Variants in GPR158 observed in about 807,000 individuals in gnomAD.
The protein encoded by GPR158 is metabotropic glycine receptor.
Under a neutral mutation model 78.2 loss-of-function variants are expected in GPR158, and 30 were observed. The observed-to-expected ratio is 0.38, with a 90% CI of 0.29 to 0.52. The LOEUF (loss-of-function observed/expected upper bound fraction) is 0.52, where lower values mean the gene tolerates loss of function less well. Ranked by LOEUF, GPR158 falls within the 20% of genes least tolerant of loss-of-function variation. GPR158 has a pLI of 0.83. For synonymous variants in GPR158, 581 were observed against 591.1 expected, an observed-to-expected ratio of 0.98 and a Z score of 0.25; for missense variants, 1,463 against 1,523.5, an observed-to-expected ratio of 0.96 and a Z score of 0.66.
At chr10:25,374,756 A>G (rs1214843682) in intron 2 of GPR158, among the ~76,000 whole-genome samples, 1 of 151,764 alleles carries the variant, frequency 6.6e-6, no homozygotes, top group Non-Finnish European at 1.5e-5. Context: ...ACTATGTAGT[A>G]TTCCATAATA....
intron 2 of GPR158, among the ~76,000 whole-genome samples, chr10:25,240,969 C>T (rs1263931121): frequency 1.3e-5 from 2 of 152,058 alleles, no homozygotes; most frequent in Admixed American, 6.5e-5. Flanking sequence ...AAGATGGATT[C>T]CTCTTGTTTT....
chr10:25,597,660 C>G, intron 10 of GPR158, 112 bp from the exon 11 acceptor site: 3 of 664,578 alleles, frequency 4.5e-6, no homozygotes, highest in Non-Finnish European at 4.8e-6. Context: ...AGCTGTAGAG[C>G]AGTTGCCCCA....
chr10:25,381,287 T>A (rs1834150956), intron 2 of GPR158, among the ~76,000 whole-genome samples: 1 of 152,186 alleles, frequency 6.6e-6, no homozygotes. Flanking sequence ...CAACATCAGA[T>A]CAATGGAGCA....
chr10:25,535,335 A>G (rs139289529), intron 5 of GPR158, among the ~76,000 whole-genome samples: 3 of 151,398 alleles, frequency 2.0e-5, no homozygotes, highest in African/African-American at 7.3e-5. Flanking sequence ...ATCTTGCTAG[A>G]AGACTCTCTC....
chr10:25,241,311 T>TTTCTTTTCTCTTCACTTCTCTTCTC (rs1554787218), intron 2 of GPR158, among the ~76,000 whole-genome samples: 15 of 104,588 alleles, frequency 1.4e-4, no homozygotes, highest in African/African-American at 6.6e-4. Flanking sequence ...TTTCTTTTCT[T>TTTCTTTTCTCTTCACTTCTCTTCTC]TTCTCTTCTC....
chr10:25,191,088 A>G (rs867942487), intron 1 of GPR158, among the ~76,000 whole-genome samples: 2 of 152,362 alleles, frequency 1.3e-5, no homozygotes, highest in African/African-American at 4.8e-5. Flanking sequence ...TTATTTAGCA[A>G]TGTATCTGTC....
At chr10:25,241,298 T>C (rs1432147783) in intron 2 of GPR158, among the ~76,000 whole-genome samples, 1 of 134,208 alleles carries the variant, frequency 7.5e-6, no homozygotes, top group African/African-American at 3.2e-5. Context: ...TCTTTTCTTT[T>C]CTTTTCTTTT....
chr10:25,446,143 C>T (rs1452969406), intron 4 of GPR158, among the ~76,000 whole-genome samples: 1 of 152,124 alleles, frequency 6.6e-6, no homozygotes, highest in Non-Finnish European at 1.5e-5. Flanking sequence ...TTATCCGAAA[C>T]TTTAATCACC....
At chr10:25,206,238 C>T (rs1026059275) in intron 1 of GPR158, among the ~76,000 whole-genome samples, 8 of 152,070 alleles carry the variant, frequency 5.3e-5, no homozygotes, top group African/African-American at 9.7e-5. Context: ...CCGCCTGTCT[C>T]GGCCTCCCAA....
chr10:25,360,963 G>A (rs990823923), intron 2 of GPR158, among the ~76,000 whole-genome samples: 3 of 151,946 alleles, frequency 2.0e-5, no homozygotes, highest in African/African-American at 7.2e-5. Context: ...AGGTCTCCTT[G>A]AAGAGATCCT....
intron 2 of GPR158, among the ~76,000 whole-genome samples, chr10:25,371,172 A>T (rs1833985294): frequency 6.7e-6 from 1 of 148,758 alleles, no homozygotes; most frequent in South Asian, 2.2e-4. Flanking sequence ...ATTTACATTT[A>T]AAGTTAATAT....
At position 25,277,104 on chromosome 10, in the gene GPR158, C is replaced by T. The variant is rs149819824; in HGVS notation, c.1008+55947C>T. Among the ~76,000 whole-genome samples the T allele has an allele frequency of 5.8e-3, 887 of 152,068 alleles. 11 individuals are homozygous for T. Among genetic ancestry groups the T allele is most frequent in the African/African-American group, 0.019 (798 of 41,470 alleles). Reference sequence around the variant, plus strand: ...AGCTGCAACTACAGACACATGCCACCATGCCTATCCAATTTAAAAATTTTT... The same window carrying T: ...AGCTGCAACTACAGACACATGCCACTATGCCTATCCAATTTAAAAATTTTT... On this transcript the variant is annotated intron_variant, in intron 2 of 10. Coordinates refer to ENST00000376351, the MANE Select transcript of GPR158 (RefSeq NM_020752.3).
intron 7 of GPR158, among the ~76,000 whole-genome samples, chr10:25,575,035 A>C (rs10828832): frequency 0.44 from 65,735 of 149,962 alleles, 14,896 homozygotes; most frequent in African/African-American, 0.53. Context: ...CCACTACACT[A>C]CAGTCTGGGC....
intron 5 of GPR158, among the ~76,000 whole-genome samples, chr10:25,545,701 T>C (rs1836654046): frequency 1.3e-5 from 2 of 152,160 alleles, no homozygotes; most frequent in Non-Finnish European, 2.9e-5. Context: ...CGATGTCCCA[T>C]AGGCACTTTT....
chr10:25,206,562 T>C (rs943544790), intron 1 of GPR158, among the ~76,000 whole-genome samples: 4 of 152,226 alleles, frequency 2.6e-5, no homozygotes, highest in Non-Finnish European at 2.9e-5. Flanking sequence ...GAGTTAATAA[T>C]TGATAACATT....
In GPR158 at chr10:25,175,337, G is replaced by C. The variant is rs1436693207; in HGVS notation, c.-84G>C. 2 of 814,418 alleles carry C rather than the reference G, an allele frequency of 2.5e-6. No homozygotes were observed. The highest frequency in any genetic ancestry group is 4.0e-6 in the Non-Finnish European group (2 of 504,078). 50.4% of individuals were successfully genotyped at this position (814,418 alleles called of 1,614,324 possible). A position where few individuals can be genotyped will look rare whatever the true frequency, so the allele number is the denominator to read the frequency against. On this transcript the variant is annotated 5_prime_UTR_variant, in exon 1 of 11. Coordinates refer to ENST00000376351, the MANE Select transcript of GPR158 (RefSeq NM_020752.3). The surrounding 1 kb of genome is among the most constrained non-coding windows in gnomAD (Gnocchi z 6.4). Reference sequence around the variant, plus strand: ...AGAAGGGGGAAGACTCCTCGAAAAAGTCTGACTGTTGAGAAACTGACGATC... The same window carrying C: ...AGAAGGGGGAAGACTCCTCGAAAAACTCTGACTGTTGAGAAACTGACGATC...
Position 25,224,095 on chromosome 10 carries a change from C to G in GPR158, c.1008+2938C>G, listed in dbSNP as rs909631985. Among the ~76,000 whole-genome samples, 3 of 152,256 alleles carry G rather than the reference C, an allele frequency of 2.0e-5. No homozygotes were observed. The South Asian group carries it at 6.2e-4, about 32-fold the overall frequency. On this transcript the variant is annotated intron_variant, in intron 2 of 10. Transcript: ENST00000376351. ...ATCTCTCAGTGAGTTTAGGTCTTCA[C>G]AAGGTCTAGGAGGCCACTAAGCATT...
intron 2 of GPR158, among the ~76,000 whole-genome samples, chr10:25,253,390 T>C (rs1184211614): frequency 6.6e-6 from 1 of 152,178 alleles, no homozygotes; most frequent in East Asian, 1.9e-4. Flanking sequence ...AGCTAATTAC[T>C]TGTTGGAGCT....
At chr10:25,462,031 C>T (rs1321969263) in intron 4 of GPR158, among the ~76,000 whole-genome samples, 1 of 152,124 alleles carries the variant, frequency 6.6e-6, no homozygotes, top group African/African-American at 2.4e-5. Context: ...TGAGCCACCA[C>T]GCCAGGCCAG....
Sources: allele counts gnomAD v4.1 joint callset (sites outside exome capture counted in the v4.1 genomes callset), GRCh38; gene constraint gnomAD v4.1.1; non-coding constraint Gnocchi (gnomAD v3.1); transcripts MANE v1.5; gene names NCBI Gene and HGNC (gene_info 2026-07-23, HGNC 2026-07-21).